The following TTC7B variants were observed in gnomAD, a reference collection of about 807,000 sequenced individuals.
TTC7B encodes tetratricopeptide repeat domain 7B.
Under a neutral mutation model 106.8 loss-of-function variants are expected in TTC7B, and 28 were observed. The observed-to-expected ratio is 0.26, with a 90% CI of 0.19 to 0.36. TTC7B has a LOEUF of 0.36. Among genes scored for constraint, TTC7B ranks in the 10% least tolerant of loss-of-function variants. The probability of loss-of-function intolerance (pLI) is 1.00; values close to 1 mark genes in which losing one functional copy is unlikely to be tolerated. For synonymous variants in TTC7B, 405 were observed against 430.6 expected (o/e 0.94, Z 0.74); for missense variants, 862 against 1,076.4 (o/e 0.80, Z 2.79).
intron 1 of TTC7B, among the ~76,000 whole-genome samples, chr14:90,813,458 G>C (rs1244429355): frequency 1.3e-5 from 2 of 152,144 alleles, no homozygotes. Flanking sequence ...CAATCTTTGT[G>C]GAAGGAAGGA....
intron 5 of TTC7B, among the ~76,000 whole-genome samples, chr14:90,707,804 C>A (rs200688459): frequency 1.3e-5 from 2 of 152,082 alleles, no homozygotes; most frequent in Non-Finnish European, 2.9e-5. Flanking sequence ...TTGAACCTGG[C>A]AGAGGCTGGT....
chr14:90,651,616 T>A (rs1689544602), intron 13 of TTC7B, among the ~76,000 whole-genome samples: 1 of 152,210 alleles, frequency 6.6e-6, no homozygotes, highest in African/African-American at 2.4e-5. Context: ...TCATTTGAAA[T>A]GGAAATGCTT....
intron 2 of TTC7B, 89 bp from the exon 3 acceptor site, chr14:90,780,995 C>T: frequency 9.1e-7 from 1 of 1,098,818 alleles, no homozygotes; most frequent in Non-Finnish European, 1.4e-6. Context: ...TGCCGTAAAA[C>T]CCCACAGCTC....
intron 19 of TTC7B, among the ~76,000 whole-genome samples, chr14:90,545,223 G>T (rs1889776409): frequency 6.6e-6 from 1 of 152,134 alleles, no homozygotes; most frequent in African/African-American, 2.4e-5. Context: ...GGCAAGCCCC[G>T]GGCCAGCAGA....
intron 16 of TTC7B, among the ~76,000 whole-genome samples, chr14:90,616,261 A>G (rs1052462396): frequency 6.6e-6 from 1 of 152,224 alleles, no homozygotes; most frequent in African/African-American, 2.4e-5. Context: ...GACTCCCCCA[A>G]ATCCTGAAGA....
intron 5 of TTC7B, among the ~76,000 whole-genome samples, chr14:90,721,099 C>A (rs575356383): frequency 6.6e-6 from 1 of 152,114 alleles, no homozygotes; most frequent in Non-Finnish European, 1.5e-5. Flanking sequence ...CAGCATATCA[C>A]CGGTAAACCA....
chr14:90,632,926 G>C (rs1715303465), intron 15 of TTC7B, among the ~76,000 whole-genome samples: 2 of 152,224 alleles, frequency 1.3e-5, no homozygotes, highest in South Asian at 4.1e-4. Context: ...AATGCTGAAA[G>C]AATGACTGAT....
intron 15 of TTC7B, among the ~76,000 whole-genome samples, chr14:90,629,585 G>C (rs1305649937): frequency 6.6e-6 from 1 of 152,214 alleles, no homozygotes. Context: ...CCCGGGGCCA[G>C]GTGCTGGGGA....
intron 5 of TTC7B, among the ~76,000 whole-genome samples, chr14:90,719,425 T>A (rs1888796615): frequency 6.6e-6 from 1 of 152,230 alleles, no homozygotes; most frequent in Non-Finnish European, 1.5e-5. Flanking sequence ...GCAGCCAGAC[T>A]GGGAGGAACT....
At chr14:90,734,297 G>GTA (rs1889434755) in intron 4 of TTC7B, among the ~76,000 whole-genome samples, 1 of 151,968 alleles carries the variant, frequency 6.6e-6, no homozygotes, top group South Asian at 2.1e-4. Context: ...GCACGTGCCT[G>GTA]TAGACCCAGC....
In TTC7B at chr14:90,744,940, C is replaced by T; in HGVS notation, c.446-18G>A. On this transcript the variant is annotated intron_variant, in intron 3 of 19. Transcript: ENST00000328459. ...ACAAAGTCCTTAAAAAAATATCAGA[C>T]ACAAAAACTGAGTGAATTTTTTTTC... is the stretch of plus-strand genomic sequence containing the variant. The T allele has an allele frequency of 6.2e-7, 1 of 1,610,498 alleles. No homozygotes were observed. Among genetic ancestry groups the T allele is most frequent in the Non-Finnish European group, 8.5e-7 (1 of 1,179,216 alleles).
chr14:90,656,501 G>A (rs1021556650), intron 11 of TTC7B, among the ~76,000 whole-genome samples: 11 of 152,154 alleles, frequency 7.2e-5, no homozygotes, highest in South Asian at 2.1e-4. Flanking sequence ...GAAGAAAAAC[G>A]CGTATGTGAA....
intron 19 of TTC7B, among the ~76,000 whole-genome samples, chr14:90,567,980 A>G (rs1890869178): frequency 6.6e-6 from 1 of 152,218 alleles, no homozygotes; most frequent in African/African-American, 2.4e-5. Context: ...CGTGGGGTTG[A>G]CACGGCCCAA....
At chr14:90,565,241 C>T (rs12891707) in intron 19 of TTC7B, among the ~76,000 whole-genome samples, 50,226 of 152,018 alleles carry the variant, frequency 0.33, 9,785 homozygotes, top group Admixed American at 0.44. Context: ...GGCTGTTTCG[C>T]TTTCTTATCA....
intron 13 of TTC7B, among the ~76,000 whole-genome samples, chr14:90,651,673 C>T (rs924772561): frequency 1.3e-5 from 2 of 152,182 alleles, no homozygotes; most frequent in African/African-American, 4.8e-5. Flanking sequence ...AGCACAGAGA[C>T]AGGAGATCTG....
chr14:90,703,820 T>C (rs569010808), intron 5 of TTC7B, among the ~76,000 whole-genome samples: 1 of 152,156 alleles, frequency 6.6e-6, no homozygotes, highest in Non-Finnish European at 1.5e-5. Context: ...GCAGTGCTGC[T>C]CAGTTTGAGG....
intron 1 of TTC7B, among the ~76,000 whole-genome samples, chr14:90,814,269 C>T (rs764622050): frequency 6.6e-6 from 1 of 152,142 alleles, no homozygotes; most frequent in Non-Finnish European, 1.5e-5. Context: ...AGGGCCCAGG[C>T]CACCAAAAAC....
intron 6 of TTC7B, among the ~76,000 whole-genome samples, chr14:90,695,018 A>AATAT (rs374663684): frequency 5.9e-5 from 3 of 50,498 alleles, no homozygotes; most frequent in African/African-American, 6.2e-5. Context: ...ATTTATTATA[A>AATAT]ATATATGTAT....
At position 90,810,168 on chromosome 14, in the gene TTC7B, T is replaced by C. The variant is rs74085573; in HGVS notation, c.121+6007A>G. On this transcript the variant is annotated intron_variant, in intron 1 of 19. Transcript: ENST00000328459. Reference sequence around the variant, plus strand: ...TATAGTCTATTTCTCCCTTTTGCAGTGACTGCTCATATGCTTTGATGCAGA... The same window carrying C: ...TATAGTCTATTTCTCCCTTTTGCAGCGACTGCTCATATGCTTTGATGCAGA... Among the ~76,000 whole-genome samples, 247 of 152,352 alleles carry C rather than the reference T, an allele frequency of 1.6e-3. 1 individual carries two copies. The highest frequency in any genetic ancestry group is 5.8e-3 in the African/African-American group (240 of 41,576).
Sources: allele counts gnomAD v4.1 joint callset (sites outside exome capture counted in the v4.1 genomes callset), GRCh38; gene constraint gnomAD v4.1.1; transcripts MANE v1.5; gene names NCBI Gene and HGNC (gene_info 2026-07-23, HGNC 2026-07-21).